TOX: variants seen among roughly 807,000 people sequenced by gnomAD.
TOX encodes the protein thymocyte selection associated high mobility group box.
TOX carries 11 observed loss-of-function variants against 53.7 expected under a neutral mutation model. The observed-to-expected ratio is 0.20, with a 90% CI of 0.13 to 0.34. The LOEUF is 0.34. Among genes scored for constraint, TOX ranks in the 10% least tolerant of loss-of-function variants. The pLI is 1.00. For synonymous variants in TOX, 225 were observed against 245.3 expected (o/e 0.92, Z 0.77); for missense variants, 570 against 664.6 (o/e 0.86, Z 1.56).
intron 3 of TOX, among the ~76,000 whole-genome samples, chr8:58,929,694 T>A (rs1812227691): frequency 6.6e-6 from 1 of 152,096 alleles, no homozygotes. Context: ...ATGTTAATAA[T>A]CTACTTGCAT....
chr8:58,875,653 T>A (rs572618256), intron 3 of TOX, among the ~76,000 whole-genome samples: 1 of 152,206 alleles, frequency 6.6e-6, no homozygotes, highest in South Asian at 2.1e-4. Flanking sequence ...CTTTGAAATT[T>A]TGGTGATATT....
At chr8:58,835,295 AATATTTGCCATC>A (rs1810526785) in intron 5 of TOX, among the ~76,000 whole-genome samples, 1 of 152,194 alleles carries the variant, frequency 6.6e-6, no homozygotes, top group African/African-American at 2.4e-5. Context: ...GAAAGAGAAA[AATATTTGCCATC>A]ATATATATAC....
chr8:58,862,864 A>C (rs981467216), intron 3 of TOX, among the ~76,000 whole-genome samples: 10 of 152,180 alleles, frequency 6.6e-5, no homozygotes, highest in Non-Finnish European at 5.9e-5. Flanking sequence ...ACAGAGGCAC[A>C]CATGTTCATT....
intron 1 of TOX, among the ~76,000 whole-genome samples, chr8:58,989,805 G>C (rs534974861): frequency 1.4e-4 from 21 of 152,180 alleles, no homozygotes; most frequent in Non-Finnish European, 2.6e-4. Context: ...GTATGACTGA[G>C]AGGCTCAAAA....
rs192443094 is a variant in TOX, at chr8:59,043,042, C to T, written c.102+75844G>A. 5.1e-4 allele frequency among the ~76,000 whole-genome samples: 77 copies of T among 152,082 alleles called. 1 individual carries two copies. The East Asian group carries it at 0.012, about 24-fold the overall frequency. On this transcript the variant is annotated intron_variant, in intron 1 of 8. Transcript: ENST00000361421. Reference sequence around the variant, plus strand: ...AGAATAGATCTCAAAAAACTTATTCCTCTGTCTAGCTGAAACTTTGTACCC... The same window carrying T: ...AGAATAGATCTCAAAAAACTTATTCTTCTGTCTAGCTGAAACTTTGTACCC...
intron 3 of TOX, among the ~76,000 whole-genome samples, chr8:58,915,244 G>T (rs1811991474): frequency 6.8e-6 from 1 of 147,120 alleles, no homozygotes; most frequent in African/African-American, 2.5e-5. Flanking sequence ...CCACCTCTGG[G>T]GGCAGGGCAC....
At chr8:58,938,871 T>G (rs1320338134) in intron 3 of TOX, among the ~76,000 whole-genome samples, 1 of 152,224 alleles carries the variant, frequency 6.6e-6, no homozygotes, top group Non-Finnish European at 1.5e-5. Flanking sequence ...GGTATACATT[T>G]GTGGAAATTG....
At position 58,941,786 on chromosome 8, in the gene TOX, C is replaced by T. The variant is rs111471630; in HGVS notation, c.169-2242G>A. On this transcript the variant is annotated intron_variant, in intron 2 of 8. Coordinates refer to ENST00000361421, the MANE Select transcript of TOX (RefSeq NM_014729.3). ...AAACTCTCCTGGCGGGGCGCGGTGGCTCATACCTGTAATCCTAGCATTTTG... is the reference window on the plus strand; with the variant it reads ...AAACTCTCCTGGCGGGGCGCGGTGGTTCATACCTGTAATCCTAGCATTTTG... Among the ~76,000 whole-genome samples the T allele has an allele frequency of 3.0e-3, 461 of 152,198 alleles. 1 individual carries two copies. The highest frequency in any genetic ancestry group is 3.0e-3 in the Non-Finnish European group (204 of 67,994).
intron 3 of TOX, among the ~76,000 whole-genome samples, chr8:58,937,868 T>A (rs1362243399): frequency 6.6e-6 from 1 of 152,044 alleles, no homozygotes; most frequent in East Asian, 1.9e-4. Context: ...ATGAATTGGG[T>A]CTGAAGGCTT....
At chr8:58,992,303 T>A (rs1813468851) in intron 1 of TOX, among the ~76,000 whole-genome samples, 1 of 152,172 alleles carries the variant, frequency 6.6e-6, no homozygotes, top group East Asian at 1.9e-4. Flanking sequence ...TCTTGGTCAG[T>A]CAAGGCACAC....
chr8:58,848,608 C>T (rs1810758124), intron 4 of TOX, among the ~76,000 whole-genome samples: 1 of 152,038 alleles, frequency 6.6e-6, no homozygotes, highest in Non-Finnish European at 1.5e-5. Context: ...CTTTATGTGT[C>T]TTAAAGTATC....
At chr8:58,915,385 T>TCCCTGAC (rs1332549905) in intron 3 of TOX, among the ~76,000 whole-genome samples, 1 of 87,620 alleles carries the variant, frequency 1.1e-5, no homozygotes, top group Non-Finnish European at 2.3e-5. Context: ...CTCAAGTGGG[T>TCCCTGAC]CCCTGACCCC....
intron 7 of TOX, 79 bp from the exon 8 acceptor site, chr8:58,808,348 T>C: frequency 6.6e-7 from 1 of 1,522,802 alleles, no homozygotes; most frequent in Non-Finnish European, 8.8e-7. Context: ...TATTCATTCT[T>C]TGCAGACACA....
chr8:58,837,971 C>T, intron 5 of TOX, 110 bp downstream of exon 5: 2 of 971,652 alleles, frequency 2.1e-6, no homozygotes, highest in African/African-American at 1.6e-5. Flanking sequence ...GACACCTTCT[C>T]AGCGTCTGTT....
At chr8:59,042,859 C>T (rs1218617725) in intron 1 of TOX, among the ~76,000 whole-genome samples, 11 of 151,972 alleles carry the variant, frequency 7.2e-5, no homozygotes. Flanking sequence ...TTATGGGGTA[C>T]AATGTGATGT....
At chr8:58,915,053 G>A (rs550115419) in intron 3 of TOX, among the ~76,000 whole-genome samples, 2 of 148,662 alleles carry the variant, frequency 1.3e-5, no homozygotes, top group African/African-American at 4.9e-5. Flanking sequence ...AGGGTCCTAC[G>A]CCCACGGAAT....
At chr8:58,915,463 G>T (rs1211242465) in intron 3 of TOX, among the ~76,000 whole-genome samples, 1 of 109,520 alleles carries the variant, frequency 9.1e-6, no homozygotes, top group East Asian at 2.6e-4. Context: ...ACACGGCAGG[G>T]TATTCCAACA....
intron 7 of TOX, among the ~76,000 whole-genome samples, chr8:58,810,157 A>AATTT (rs533806943): frequency 0.019 from 2,884 of 151,510 alleles, 43 homozygotes; most frequent in African/African-American, 0.027. Context: ...GGCTAATTTA[A>AATTT]ATTTATTTAT....
chr8:58,902,322 T>C (rs975541095), intron 3 of TOX, among the ~76,000 whole-genome samples: 1 of 152,174 alleles, frequency 6.6e-6, no homozygotes, highest in Non-Finnish European at 1.5e-5. Flanking sequence ...TCTCTGTGCA[T>C]GAATGAAAAA....
Sources: gnomAD v4.1 joint callset for allele counts (sites outside exome capture counted in the v4.1 genomes callset) on GRCh38, gnomAD v4.1.1 for gene constraint, MANE v1.5 for transcripts, NCBI Gene and HGNC (gene_info 2026-07-23, HGNC 2026-07-21) for gene names.